Variants in NTN4 observed in about 807,000 individuals in gnomAD.
NTN4 encodes netrin-4.
A neutral mutation model predicts 73.6 loss-of-function variants in NTN4; 32 were observed. The observed-to-expected ratio is 0.44, with a 90% confidence interval of 0.33 to 0.58. The LOEUF (loss-of-function observed/expected upper bound fraction) is 0.58, where lower values mean the gene tolerates loss of function less well. NTN4 is among the 20% of genes least tolerant of loss of function. NTN4 has a pLI of 0.04. For missense variants in NTN4, 654 were observed against 798.3 expected (o/e 0.82, Z 2.18); for synonymous variants, 258 against 287.5 (o/e 0.90, Z 1.04).
Position 95,790,557 on chromosome 12 carries a change from C to A in NTN4, c.-248G>T. 1 of 326,696 alleles carries A rather than the reference C, an allele frequency of 3.1e-6. No individual in the cohort carries two copies. Among genetic ancestry groups the A allele is most frequent in the Non-Finnish European group, 5.5e-6 (1 of 180,758 alleles). 20.2% of individuals were successfully genotyped at this position (326,696 alleles called of 1,614,324 possible). ...CCGGGCACCTGGGGGGCGGCGGGAG[C>A]CCCGGGACCATAGCCGGCCTGGCTG... On this transcript the variant is annotated 5_prime_UTR_variant, in exon 1 of 10. Coordinates refer to ENST00000343702, the MANE Select transcript of NTN4 (RefSeq NM_021229.4). The surrounding 1 kb of genome is among the most constrained non-coding windows in gnomAD (Gnocchi z 6.5).
intron 2 of NTN4, among the ~76,000 whole-genome samples, chr12:95,773,964 A>T (rs2079074507): frequency 6.6e-6 from 1 of 152,160 alleles, no homozygotes; most frequent in Non-Finnish European, 1.5e-5. Context: ...AAGAACTGTG[A>T]TGTTCATTCC....
intron 2 of NTN4, among the ~76,000 whole-genome samples, chr12:95,772,166 A>G (rs1393720097): frequency 6.6e-6 from 1 of 152,040 alleles, no homozygotes; most frequent in Non-Finnish European, 1.5e-5. Flanking sequence ...CAGCCTCACA[A>G]GTAGCTGGGA....
intron 2 of NTN4, among the ~76,000 whole-genome samples, chr12:95,775,540 T>TGCATGGCTCAGAGGGTCCCAC (rs2079085875): frequency 6.6e-6 from 1 of 152,240 alleles, no homozygotes; most frequent in African/African-American, 2.4e-5. Context: ...TTATATCCCG[T>TGCATGGCTCAGAGGGTCCCAC]GCATGGCTCA....
chr12:95,712,787 CTTTT>C (rs35614636), intron 4 of NTN4, among the ~76,000 whole-genome samples: 8 of 105,734 alleles, frequency 7.6e-5, no homozygotes, highest in East Asian at 2.7e-4. Context: ...TTCTTTCTTT[CTTTT>C]TTTTTTTTTT....
rs896823182 is a variant in NTN4 at position 95,676,209 on chromosome 12, T to C, written c.1511-6063A>G. On this transcript the variant is annotated intron_variant, in intron 7 of 9. Coordinates refer to ENST00000343702, the MANE Select transcript of NTN4 (RefSeq NM_021229.4). ...ACCTCTGCCTTCCAGGTTCAAGTGA[T>C]TCTCCTGCCTTAGCCTCCCAAGTAG... Among the ~76,000 whole-genome samples the C allele has an allele frequency of 4.6e-5, 7 of 152,284 alleles. No homozygotes were observed. The East Asian group carries it at 9.7e-4, about 21-fold the overall frequency.
At chr12:95,663,363 T>C (rs1362249850) in intron 9 of NTN4, 2 of 152,240 alleles carry the variant, frequency 1.3e-5, no homozygotes, top group Non-Finnish European at 1.5e-5. Context: ...TATTTTCCTA[T>C]CTCTAGGGTT....
At chr12:95,751,183 C>T (rs1371477028) in intron 2 of NTN4, among the ~76,000 whole-genome samples, 1 of 152,066 alleles carries the variant, frequency 6.6e-6, no homozygotes, top group Non-Finnish European at 1.5e-5. Flanking sequence ...GCCCTCAAAC[C>T]CCACAACAGG....
chr12:95,723,453 T>G (rs1455935700), intron 3 of NTN4, among the ~76,000 whole-genome samples: 2 of 152,212 alleles, frequency 1.3e-5, no homozygotes, highest in Non-Finnish European at 2.9e-5. Flanking sequence ...TTGTGTCTGG[T>G]AGAATGCAAT....
chr12:95,742,337 T>C (rs2078832681), intron 2 of NTN4, among the ~76,000 whole-genome samples: 1 of 142,678 alleles, frequency 7.0e-6, no homozygotes, highest in Admixed American at 7.0e-5. Context: ...CTACTAAAAA[T>C]ACAAAAATTA....
chr12:95,718,383 C>T (rs1023435855), intron 3 of NTN4, among the ~76,000 whole-genome samples: 2 of 152,154 alleles, frequency 1.3e-5, no homozygotes, highest in Non-Finnish European at 2.9e-5. Context: ...GGAAGCTGTT[C>T]ATTGACAGCA....
intron 9 of NTN4, 42 bp from the exon 10 acceptor site, chr12:95,659,264 T>G: frequency 6.7e-7 from 1 of 1,491,834 alleles, no homozygotes; most frequent in Non-Finnish European, 9.1e-7. Flanking sequence ...TATCATACTT[T>G]GTTGAAGGGA....
chr12:95,777,199 G>C (rs2079100076), intron 2 of NTN4, among the ~76,000 whole-genome samples: 1 of 152,186 alleles, frequency 6.6e-6, no homozygotes, highest in Non-Finnish European at 1.5e-5. Flanking sequence ...ACCAGCCACT[G>C]CAAAAACATG....
chr12:95,741,718 G>A (rs1423274652), intron 2 of NTN4, among the ~76,000 whole-genome samples: 10 of 149,592 alleles, frequency 6.7e-5, no homozygotes, highest in African/African-American at 1.2e-4. Context: ...ATAGAACAAC[G>A]AAAAATAAAA....
At position 95,748,967 on chromosome 12, in the gene NTN4, C is replaced by T. The variant is rs1350405558; in HGVS notation, c.586-10823G>A. ...AAGAATCACAAAAGAAGAGAAAAGGCCCTGCCCTGCCTTAACTGATGACAT... is the reference window on the plus strand; with the variant it reads ...AAGAATCACAAAAGAAGAGAAAAGGTCCTGCCCTGCCTTAACTGATGACAT... On this transcript the variant is annotated intron_variant, in intron 2 of 9. Transcript: ENST00000343702. Among the ~76,000 whole-genome samples, 3 of 152,274 alleles carry T rather than the reference C, an allele frequency of 2.0e-5. No homozygotes were observed. In the East Asian group the frequency reaches 5.8e-4, roughly 29 times the overall value.
chr12:95,704,506 T>C (rs1319610878), intron 5 of NTN4, among the ~76,000 whole-genome samples: 1 of 152,208 alleles, frequency 6.6e-6, no homozygotes, highest in Non-Finnish European at 1.5e-5. Flanking sequence ...TTATCAGTTA[T>C]AACTGAAGCA....
intron 3 of NTN4, among the ~76,000 whole-genome samples, chr12:95,723,818 A>G (rs1222167597): frequency 6.6e-6 from 1 of 152,112 alleles, no homozygotes; most frequent in Admixed American, 6.6e-5. Context: ...GGCCTATTTC[A>G]GCATTCTTTA....
chr12:95,730,168 G>A (rs1237359384), intron 3 of NTN4, among the ~76,000 whole-genome samples: 1 of 152,052 alleles, frequency 6.6e-6, no homozygotes, highest in Non-Finnish European at 1.5e-5. Flanking sequence ...ATTCATTTTT[G>A]CACTTTTACA....
intron 5 of NTN4, among the ~76,000 whole-genome samples, chr12:95,706,948 G>T (rs775059777): frequency 2.6e-5 from 4 of 152,164 alleles, no homozygotes; most frequent in Admixed American, 6.5e-5. Flanking sequence ...CTGTCTCAGG[G>T]TCCGAGAATT....
rs138868099 is a variant in NTN4 at position 95,747,332 on chromosome 12, GTTTTC to G, written c.586-9193_586-9189del. Among the ~76,000 whole-genome samples the G allele has an allele frequency of 8.3e-3, 1,259 of 151,866 alleles. 21 individuals are homozygous for G. The highest frequency in any genetic ancestry group is 0.03 in the African/African-American group (1,223 of 41,402). On this transcript the variant is annotated intron_variant, in intron 2 of 9. Transcript: ENST00000343702. Reference sequence around the variant, plus strand: ...ATGATCGCCTATATATGTATGTATTGTTTTCTTTTTTTTTCAGAGACAATGTCTTG... The same window carrying G: ...ATGATCGCCTATATATGTATGTATTGTTTTTTTTTCAGAGACAATGTCTTG...
Sources: gnomAD v4.1 joint callset for allele counts (sites outside exome capture counted in the v4.1 genomes callset) on GRCh38, gnomAD v4.1.1 for gene constraint, Gnocchi (gnomAD v3.1) non-coding constraint, MANE v1.5 for transcripts, NCBI Gene and HGNC (gene_info 2026-07-23, HGNC 2026-07-21) for gene names.